GNG7: variants seen among roughly 807,000 people sequenced by gnomAD.
The protein encoded by GNG7 is guanine nucleotide-binding protein G(I)/G(S)/G(O) subunit gamma-7.
A neutral mutation model predicts 4.0 loss-of-function variants in GNG7; 1 was observed. That is an observed-to-expected ratio of 0.25 (90% CI 0.09 to 1.18). GNG7 has a LOEUF of 1.18. Among genes scored for constraint, GNG7 ranks in the 50% most tolerant of loss-of-function variants. The pLI is 0.50. For missense variants in GNG7, 86 were observed against 91.9 expected, an observed-to-expected ratio of 0.94 and a Z score of 0.26; for synonymous variants, 34 against 36.9, an observed-to-expected ratio of 0.92 and a Z score of 0.29.
At chr19:2,516,371 C>T (rs1429025760) in intron 4 of GNG7, among the ~76,000 whole-genome samples, 1 of 151,930 alleles carries the variant, frequency 6.6e-6, no homozygotes, top group Non-Finnish European at 1.5e-5. Flanking sequence ...ACTACAGGTG[C>T]CTGCCACCAC....
intron 1 of GNG7, among the ~76,000 whole-genome samples, chr19:2,670,112 T>C (rs1983413371): frequency 6.6e-6 from 1 of 151,238 alleles, no homozygotes; most frequent in African/African-American, 2.5e-5. Flanking sequence ...GACTGTTTTC[T>C]TTTGAAACTC....
intron 2 of GNG7, among the ~76,000 whole-genome samples, chr19:2,639,862 GGGA>G: frequency 2.8e-5 from 1 of 35,518 alleles, no homozygotes; most frequent in Admixed American, 2.0e-4. Flanking sequence ...AGGAAGGGGA[GGGA>G]GAAAGGAAGG....
intron 2 of GNG7, among the ~76,000 whole-genome samples, chr19:2,589,899 C>A (rs1404142086): frequency 6.6e-6 from 1 of 152,176 alleles, no homozygotes; most frequent in African/African-American, 2.4e-5. Flanking sequence ...GCAACCTCCA[C>A]CTCCCGGGTT....
rs1247525606 is a variant in GNG7 at position 2,609,176 on chromosome 19, A to G, written c.-78+37048T>C. 6.6e-6 allele frequency among the ~76,000 whole-genome samples: 1 copy of G among 151,914 alleles called. No individual in the cohort carries two copies. ...CGAGTAGCTGGGATTACAGGCATGC[A>G]CCACCACACCTGGCTAATTTTTAAT... is the stretch of plus-strand genomic sequence containing the variant. On this transcript the variant is annotated intron_variant, in intron 2 of 4. Coordinates refer to ENST00000382159, the MANE Select transcript of GNG7 (RefSeq NM_052847.3). The surrounding 1 kb of genome is among the most constrained non-coding windows in gnomAD (Gnocchi z 4.4).
intron 2 of GNG7, among the ~76,000 whole-genome samples, chr19:2,582,484 T>A (rs534858782): frequency 3.6e-4 from 54 of 148,620 alleles, no homozygotes; most frequent in African/African-American, 1.3e-3. Flanking sequence ...AGCCTTTAAA[T>A]GACAATTTTT....
chr19:2,515,499 C>T (rs996347231), intron 4 of GNG7, among the ~76,000 whole-genome samples: 1 of 151,752 alleles, frequency 6.6e-6, no homozygotes, highest in African/African-American at 2.4e-5. Flanking sequence ...ACGATCTCGG[C>T]TCACTGCAAC....
intron 1 of GNG7, among the ~76,000 whole-genome samples, chr19:2,654,682 T>C (rs1260839290): frequency 1.3e-5 from 1 of 78,540 alleles, no homozygotes; most frequent in African/African-American, 4.3e-5. Flanking sequence ...AGTCCCCTAG[T>C]TTATGTTGTC....
chr19:2,629,190 A>G lies in GNG7; in HGVS notation c.-78+17034T>C, dbSNP rs1343234678. Among the ~76,000 whole-genome samples, 3 of 152,326 alleles carry G rather than the reference A, an allele frequency of 2.0e-5. No homozygotes were observed. In the East Asian group the frequency reaches 5.8e-4, roughly 29 times the overall value. ...TTGAAGACTTGAGGTGAACAACTGG[A>G]TATCTTAGTAGGTCTCTCTGAAGGT... On this transcript the variant is annotated intron_variant, in intron 2 of 4. Coordinates refer to ENST00000382159, the MANE Select transcript of GNG7 (RefSeq NM_052847.3).
rs140225614 is a variant in GNG7 at position 2,702,117 on chromosome 19, C to A, written c.-135+529G>T. 1.0e-4 allele frequency among the ~76,000 whole-genome samples: 15 copies of A among 150,628 alleles called. No individual in the cohort carries two copies. The East Asian group carries it at 1.6e-3, about 16-fold the overall frequency. ...CGCTCCAAGCTCCCTCCCCAGCTAA[C>A]CTCGACCTGCAACTCCAGTCCCCTC... On this transcript the variant is annotated intron_variant, in intron 1 of 4. Coordinates refer to ENST00000382159, the MANE Select transcript of GNG7 (RefSeq NM_052847.3).
chr19:2,640,582 C>T (rs1335537596), intron 2 of GNG7, among the ~76,000 whole-genome samples: 1 of 152,158 alleles, frequency 6.6e-6, no homozygotes, highest in African/African-American at 2.4e-5. Context: ...GGCTGGGGAA[C>T]TTAGGGGCTT....
chr19:2,678,061 C>A (rs1341493827), intron 1 of GNG7, among the ~76,000 whole-genome samples: 1 of 152,208 alleles, frequency 6.6e-6, no homozygotes, highest in Middle Eastern at 3.2e-3. Context: ...GTGCTGACCA[C>A]CAGTGGCCTC....
intron 2 of GNG7, among the ~76,000 whole-genome samples, chr19:2,628,555 T>A (rs959953610): frequency 6.7e-6 from 1 of 150,282 alleles, no homozygotes. Flanking sequence ...AGACGGATCA[T>A]CTTAACCACG....
chr19:2,579,798 C>A (rs1980449456), intron 2 of GNG7, among the ~76,000 whole-genome samples: 1 of 152,158 alleles, frequency 6.6e-6, no homozygotes, highest in Non-Finnish European at 1.5e-5. Context: ...TGTCCTGGGG[C>A]TGCCGTAAGA....
At chr19:2,595,491 T>C (rs996377629) in intron 2 of GNG7, among the ~76,000 whole-genome samples, 2 of 151,306 alleles carry the variant, frequency 1.3e-5, no homozygotes, top group South Asian at 4.3e-4. Context: ...CCCAGCACTT[T>C]GGGAGGCCGA....
At chr19:2,550,523 C>T (rs115610854) in intron 3 of GNG7, among the ~76,000 whole-genome samples, 4,055 of 152,234 alleles carry the variant, frequency 0.027, 186 homozygotes, top group African/African-American at 0.093. Context: ...CCACCGCTCC[C>T]GGCCACCTCT....
rs1981751606 is a variant in GNG7, at chr19:2,617,442, C to T, written c.-78+28782G>A. Among the ~76,000 whole-genome samples the T allele has an allele frequency of 6.6e-6, 1 of 152,184 alleles. No individual in the cohort carries two copies. Among genetic ancestry groups the T allele is most frequent in the Non-Finnish European group, 1.5e-5 (1 of 68,032 alleles). ...ATCAAGAAGCCACACTAGGTCACCTCAGACCAAGGACATTCTGCCATGATG... is the reference window on the plus strand; with the variant it reads ...ATCAAGAAGCCACACTAGGTCACCTTAGACCAAGGACATTCTGCCATGATG... On this transcript the variant is annotated intron_variant, in intron 2 of 4. Transcript: ENST00000382159. The surrounding 1 kb of genome is among the most constrained non-coding windows in gnomAD (Gnocchi z 4.7).
chr19:2,638,392 A>AGGGGATGGGAAGGGAAAG (rs1982373825), intron 2 of GNG7, among the ~76,000 whole-genome samples: 1 of 122,458 alleles, frequency 8.2e-6, no homozygotes, highest in Non-Finnish European at 1.7e-5. Context: ...GGGGAAGAGA[A>AGGGGATGGGAAGGGAAAG]GGGGATGGGA....
At chr19:2,660,256 C>T (rs576572606) in intron 1 of GNG7, among the ~76,000 whole-genome samples, 132 of 152,288 alleles carry the variant, frequency 8.7e-4, no homozygotes, top group African/African-American at 2.9e-3. Flanking sequence ...TCTTCATCCC[C>T]GTTACACCCA....
chr19:2,608,894 G>C (rs562325909), intron 2 of GNG7, among the ~76,000 whole-genome samples: 103 of 152,304 alleles, frequency 6.8e-4, no homozygotes, highest in African/African-American at 2.4e-3. Context: ...GCTTTTTAAA[G>C]AAACTGAGGT....
Sources: allele counts gnomAD v4.1 joint callset (sites outside exome capture counted in the v4.1 genomes callset), GRCh38; gene constraint gnomAD v4.1.1; non-coding constraint Gnocchi (gnomAD v3.1); transcripts MANE v1.5; gene names NCBI Gene and HGNC (gene_info 2026-07-23, HGNC 2026-07-21).